The following PTPRJ variants were observed in gnomAD, a reference collection of about 807,000 sequenced individuals.
The protein encoded by PTPRJ is receptor-type tyrosine-protein phosphatase eta.
In PTPRJ, 129 loss-of-function variants were observed where a neutral mutation model predicts 141.3. The ratio of observed to expected loss-of-function variants is 0.91; its 90% CI spans 0.79 to 1.06. The LOEUF is 1.06. Ranked by LOEUF, PTPRJ falls within the 50% of genes least tolerant of loss-of-function variation. PTPRJ has a pLI of 0.00. For missense variants in PTPRJ, 1,601 were observed against 1,679.7 expected, an observed-to-expected ratio of 0.95 and a Z score of 0.82; for synonymous variants, 610 against 640.5, an observed-to-expected ratio of 0.95 and a Z score of 0.72.
At chr11:48,035,359 T>G (rs1854093230) in intron 1 of PTPRJ, among the ~76,000 whole-genome samples, 1 of 152,118 alleles carries the variant, frequency 6.6e-6, no homozygotes, top group African/African-American at 2.4e-5. Context: ...GAGAAGAGAT[T>G]AGGCAGATGT....
chr11:48,155,671 C>T (rs750369074), intron 19 of PTPRJ, 130 bp from the exon 20 acceptor site: 4 of 710,198 alleles, frequency 5.6e-6, no homozygotes, highest in Non-Finnish European at 9.4e-6. Context: ...TATGAAATGC[C>T]ACACTGTGCA....
chr11:48,079,428 GTGTT>G (rs1413120761), intron 1 of PTPRJ, among the ~76,000 whole-genome samples: 2 of 152,244 alleles, frequency 1.3e-5, no homozygotes, highest in East Asian at 1.9e-4. Context: ...GTGTGTGTGT[GTGTT>G]TGTGTGTGTG....
In PTPRJ at chr11:48,158,730, G is replaced by A. The variant is rs891331816; in HGVS notation, c.3439-1200G>A. Among the ~76,000 whole-genome samples, 1 of 152,172 alleles carries A rather than the reference G, an allele frequency of 6.6e-6. No individual in the cohort carries two copies. The highest frequency in any genetic ancestry group is 1.5e-5 in the Non-Finnish European group (1 of 68,036). On this transcript the variant is annotated intron_variant, in intron 21 of 24. Transcript: ENST00000418331. This position sits in a 1 kb window ranked among gnomAD's most constrained non-coding sequence, Gnocchi z 4.4. ...GCACTTTGGGAGGCCAAGGTGAGAG[G>A]ATCACTTGAGGCCAGGAGTTCAAGA...
At chr11:48,001,327 C>T (rs986441594) in intron 1 of PTPRJ, among the ~76,000 whole-genome samples, 4 of 148,868 alleles carry the variant, frequency 2.7e-5, no homozygotes, top group African/African-American at 1.0e-4. Flanking sequence ...AATATTCTTA[C>T]CTTTTGCAGT....
At chr11:48,140,943 G>A (rs932337273) in intron 11 of PTPRJ, among the ~76,000 whole-genome samples, 1 of 152,180 alleles carries the variant, frequency 6.6e-6, no homozygotes, top group African/African-American at 2.4e-5. Flanking sequence ...CTTGGCAGCC[G>A]CATGTGGCTA....
intron 1 of PTPRJ, among the ~76,000 whole-genome samples, chr11:47,986,916 C>T (rs1341001169): frequency 6.6e-6 from 1 of 152,032 alleles, no homozygotes; most frequent in African/African-American, 2.4e-5. Flanking sequence ...TTTTTTTCCC[C>T]TAATGTTAAG....
intron 1 of PTPRJ, among the ~76,000 whole-genome samples, chr11:48,098,818 C>CAGTGGACCCACATTTCAAATCAT (rs369860254): frequency 1.9e-4 from 3 of 15,870 alleles, no homozygotes; most frequent in Non-Finnish European, 1.0e-3. Flanking sequence ...CGCGCCCGGC[C>CAGTGGACCCACATTTCAAATCAT]TTTATCTCTT....
chr11:48,152,527 C>T (rs1463587056), intron 18 of PTPRJ, among the ~76,000 whole-genome samples: 2 of 152,200 alleles, frequency 1.3e-5, no homozygotes, highest in Admixed American at 6.5e-5. Flanking sequence ...TTGCCCATGC[C>T]TATGTCCTGA....
chr11:48,042,444 G>T (rs1854292580), intron 1 of PTPRJ, among the ~76,000 whole-genome samples: 1 of 152,136 alleles, frequency 6.6e-6, no homozygotes, highest in South Asian at 2.1e-4. Flanking sequence ...TGGTGCTCCT[G>T]TGTGACAGGG....
intron 7 of PTPRJ, 75 bp from the exon 8 acceptor site, chr11:48,130,384 T>G (rs1009612564): frequency 1.4e-6 from 2 of 1,411,746 alleles, no homozygotes; most frequent in African/African-American, 2.9e-5. Flanking sequence ...TTCATCTCAG[T>G]ATTTTCTGAG....
In PTPRJ at chr11:48,121,285, A is replaced by G; in HGVS notation, c.616+19A>G. On this transcript the variant is annotated intron_variant, in intron 4 of 24. Transcript: ENST00000418331. ...ATCACAGGTAAGATGACTGGCTCCCAGGGATGATGACAAACCATTTCTTAT... is the reference window on the plus strand; with the variant it reads ...ATCACAGGTAAGATGACTGGCTCCCGGGGATGATGACAAACCATTTCTTAT... The G allele has an allele frequency of 6.2e-7, 1 of 1,611,116 alleles. No homozygotes were observed. The highest frequency in any genetic ancestry group is 8.5e-7 in the Non-Finnish European group (1 of 1,177,600).
intron 1 of PTPRJ, among the ~76,000 whole-genome samples, chr11:48,030,701 C>T (rs1853956474): frequency 6.6e-6 from 1 of 152,008 alleles, no homozygotes; most frequent in African/African-American, 2.4e-5. Context: ...CGAGATTGTG[C>T]CACTGCACTG....
intron 9 of PTPRJ, among the ~76,000 whole-genome samples, chr11:48,136,788 T>C (rs1329653982): frequency 6.6e-6 from 1 of 152,200 alleles, no homozygotes; most frequent in African/African-American, 2.4e-5. Context: ...ACTTGAAGTA[T>C]TAAAAGAAGC....
chr11:48,085,259 CT>C (rs35669006), intron 1 of PTPRJ, among the ~76,000 whole-genome samples: 1,708 of 147,130 alleles, frequency 0.012, 34 homozygotes, highest in African/African-American at 0.037. Flanking sequence ...ATCTCTCTCA[CT>C]TTTTTTTTTT....
chr11:48,161,177 T>C (rs1452475963), intron 22 of PTPRJ, among the ~76,000 whole-genome samples: 14 of 542 alleles, frequency 0.026, no homozygotes, highest in South Asian at 0.062. Context: ...CAAGACCCGG[T>C]CTCAAAAAAA....
intron 1 of PTPRJ, among the ~76,000 whole-genome samples, chr11:48,109,830 C>G (rs1029697937): frequency 6.6e-6 from 1 of 152,112 alleles, no homozygotes; most frequent in Non-Finnish European, 1.5e-5. Context: ...GAGTCAGCAG[C>G]CGCCAGCCCC....
At chr11:48,018,253 CT>C (rs983964132) in intron 1 of PTPRJ, among the ~76,000 whole-genome samples, 1 of 143,768 alleles carries the variant, frequency 7.0e-6, no homozygotes, top group Non-Finnish European at 1.5e-5. Context: ...AACATGACTT[CT>C]TTTTTTTTTC....
intron 22 of PTPRJ, among the ~76,000 whole-genome samples, chr11:48,161,126 C>T (rs760734898): frequency 1.5e-4 from 18 of 124,030 alleles, no homozygotes; most frequent in Non-Finnish European, 2.5e-4. Context: ...TGCAGTGAAC[C>T]GAGATTGTGC....
At chr11:48,112,016 G>A (rs994042212) in intron 2 of PTPRJ, among the ~76,000 whole-genome samples, 9 of 152,100 alleles carry the variant, frequency 5.9e-5, no homozygotes, top group African/African-American at 2.2e-4. Flanking sequence ...GCTGGATCCA[G>A]CGGTGAATGT....
Sources: allele counts gnomAD v4.1 joint callset (sites outside exome capture counted in the v4.1 genomes callset), GRCh38; gene constraint gnomAD v4.1.1; non-coding constraint Gnocchi (gnomAD v3.1); transcripts MANE v1.5; gene names NCBI Gene and HGNC (gene_info 2026-07-23, HGNC 2026-07-21).